Variants in PDIA6 observed in about 807,000 individuals in gnomAD.
PDIA6 encodes the protein protein disulfide isomerase family A member 6.
In PDIA6, 29 loss-of-function variants were observed where a neutral mutation model predicts 58.4. That is an observed-to-expected ratio of 0.50 (90% CI 0.37 to 0.68). The LOEUF is 0.68. Ranked by LOEUF, PDIA6 falls within the 30% of genes least tolerant of loss-of-function variation. PDIA6 has a pLI of 0.00. For missense variants in PDIA6, 480 were observed against 551.0 expected (o/e 0.87, Z 1.29); for synonymous variants, 192 against 202.6 (o/e 0.95, Z 0.44).
intron 2 of PDIA6, among the ~76,000 whole-genome samples, chr2:10,818,506 A>ATTTC (rs1462626432): frequency 3.9e-5 from 5 of 126,722 alleles, no homozygotes; most frequent in Non-Finnish European, 8.5e-5. Context: ...TTATTTATTT[A>ATTTC]TTTATTTATT....
chr2:10,818,378 G>T (rs1447037590), intron 2 of PDIA6, among the ~76,000 whole-genome samples: 1 of 151,690 alleles, frequency 6.6e-6, no homozygotes, highest in Admixed American at 6.6e-5. Flanking sequence ...ATTTTGCCCA[G>T]GCTGGTCTCA....
In PDIA6 at chr2:10,812,730, C is replaced by T; in HGVS notation, c.-34G>A. ...CCGGGCTACGTGCAGTCCCCACCGCCGCCGCCGCTTCAGCCCTGCAGCGTG... is the reference window on the plus strand; with the variant it reads ...CCGGGCTACGTGCAGTCCCCACCGCTGCCGCCGCTTCAGCCCTGCAGCGTG... On this transcript the variant is annotated 5_prime_UTR_variant, in exon 1 of 13. Coordinates refer to ENST00000272227, the MANE Select transcript of PDIA6 (RefSeq NM_005742.4). The T allele has an allele frequency of 2.0e-6, 3 of 1,492,650 alleles. No homozygotes were observed. The highest frequency in any genetic ancestry group is 2.1e-5 in the Admixed American group (1 of 46,602). 92.5% of individuals were successfully genotyped at this position (1,492,650 alleles called of 1,614,324 possible).
chr2:10,824,943 G>T (rs1667507077), intron 1 of PDIA6, among the ~76,000 whole-genome samples: 1 of 152,174 alleles, frequency 6.6e-6, no homozygotes, highest in African/African-American at 2.4e-5. Flanking sequence ...TGTTGCCAAA[G>T]GAGATTAACA....
chr2:10,810,191 G>C, intron 1 of PDIA6: 1 of 890,254 alleles, frequency 1.1e-6, no homozygotes, highest in Non-Finnish European at 1.8e-6. Flanking sequence ...ATGTGTCATG[G>C]TGCCCATTAT....
At chr2:10,797,043 T>C in intron 4 of PDIA6, 38 bp downstream of exon 4, 1 of 1,597,206 alleles carries the variant, frequency 6.3e-7, no homozygotes, top group Non-Finnish European at 8.6e-7. Flanking sequence ...TAGGTTCTTG[T>C]CTACCAGGGG....
At chr2:10,833,528 A>T (rs896458409), upstream of PDIA6, among the ~76,000 whole-genome samples, 1 of 152,174 alleles carries the variant, frequency 6.6e-6, no homozygotes, top group Non-Finnish European at 1.5e-5. Flanking sequence ...CAGCGGGCTC[A>T]TTCCCTGACT....
At chr2:10,815,063 C>G (rs1463348480), upstream of PDIA6, among the ~76,000 whole-genome samples, 2 of 152,126 alleles carry the variant, frequency 1.3e-5, no homozygotes, top group Admixed American at 6.5e-5. Context: ...CCTGTGAAGC[C>G]CACTGTACAG....
upstream of PDIA6, chr2:10,812,898 A>C: frequency 8.2e-6 from 9 of 1,094,574 alleles, no homozygotes; most frequent in East Asian, 1.8e-4. Flanking sequence ...TCACTCACAT[A>C]TCCAATGGGA....
chr2:10,794,514 C>G (rs140270240), intron 4 of PDIA6, among the ~76,000 whole-genome samples: 12,048 of 143,058 alleles, frequency 0.084, 632 homozygotes, highest in South Asian at 0.15. Context: ...CTCCTGTACT[C>G]AAGTGATCCT....
intron 1 of PDIA6, among the ~76,000 whole-genome samples, chr2:10,808,236 T>C (rs1415497608): frequency 1.3e-5 from 2 of 152,194 alleles, no homozygotes; most frequent in Non-Finnish European, 2.9e-5. Context: ...TGGTGTCACA[T>C]AAACCAAGAT....
At chr2:10,801,748 G>GA (rs1666520683) in intron 2 of PDIA6, among the ~76,000 whole-genome samples, 1 of 152,118 alleles carries the variant, frequency 6.6e-6, no homozygotes. Context: ...TAGTTTCAAA[G>GA]AAAAAAGTTA....
At chr2:10,816,259 T>A (rs1381596123), upstream of PDIA6, among the ~76,000 whole-genome samples, 1 of 151,812 alleles carries the variant, frequency 6.6e-6, no homozygotes, top group Non-Finnish European at 1.5e-5. Context: ...ATTTTTAAAA[T>A]TTTTTTAGTA....
intron 2 of PDIA6, among the ~76,000 whole-genome samples, chr2:10,799,879 A>G (rs1666428145): frequency 6.6e-6 from 1 of 151,706 alleles, no homozygotes; most frequent in African/African-American, 2.4e-5. Flanking sequence ...GCTGGTGGAT[A>G]AAAATTTTGG....
intron 1 of PDIA6, among the ~76,000 whole-genome samples, chr2:10,808,909 ACT>A (rs1307281644): frequency 1.3e-5 from 2 of 152,026 alleles, no homozygotes; most frequent in Non-Finnish European, 2.9e-5. Flanking sequence ...CACTGCAACC[ACT>A]GTCTCCTGGG....
intron 1 of PDIA6, among the ~76,000 whole-genome samples, chr2:10,829,055 G>T (rs921559020): frequency 1.3e-5 from 2 of 152,226 alleles, no homozygotes; most frequent in African/African-American, 4.8e-5. Flanking sequence ...GCACTTTCCA[G>T]GATTGCACTG....
intron 11 of PDIA6, among the ~76,000 whole-genome samples, chr2:10,786,415 C>G (rs536838841): frequency 6.6e-6 from 1 of 152,270 alleles, no homozygotes; most frequent in South Asian, 2.1e-4. Context: ...CCGGCAGAGG[C>G]TGAAGCAGCT....
In PDIA6 at chr2:10,784,099, G is replaced by A; in HGVS notation, c.*159C>T. On this transcript the variant is annotated 3_prime_UTR_variant, in exon 13 of 13. Coordinates refer to ENST00000272227, the MANE Select transcript of PDIA6 (RefSeq NM_005742.4). ...TTCAATGTTTTCTTGAGATGCAAAAGTTCACTGTTGCAGTGTTTTCAAATG... is the reference window on the plus strand; with the variant it reads ...TTCAATGTTTTCTTGAGATGCAAAAATTCACTGTTGCAGTGTTTTCAAATG... 1 of 454,496 alleles carries A rather than the reference G, an allele frequency of 2.2e-6. No homozygotes were observed. 28.2% of individuals were successfully genotyped at this position (454,496 alleles called of 1,614,324 possible).
chr2:10,826,313 TG>T (rs1389119682), intron 1 of PDIA6, among the ~76,000 whole-genome samples: 1 of 152,148 alleles, frequency 6.6e-6, no homozygotes, highest in Non-Finnish European at 1.5e-5. Flanking sequence ...GGCTGGGAGT[TG>T]GGAGAGGACA....
chr2:10,789,677 TCA>T, intron 8 of PDIA6, 70 bp downstream of exon 8: 1 of 1,387,982 alleles, frequency 7.2e-7, no homozygotes, highest in Non-Finnish European at 1.0e-6. Context: ...GAACAGTGTG[TCA>T]CACTGCTTTA....
Sources: gnomAD v4.1 joint callset for allele counts (sites outside exome capture counted in the v4.1 genomes callset) on GRCh38, gnomAD v4.1.1 for gene constraint, MANE v1.5 for transcripts, NCBI Gene and HGNC (gene_info 2026-07-23, HGNC 2026-07-21) for gene names.